The following GALNT13 variants were observed in gnomAD, a reference collection of about 807,000 sequenced individuals.
GALNT13 encodes UDP-GalNAc:polypeptide N-acetylgalactosaminyltransferase 13.
Under a neutral mutation model 64.2 loss-of-function variants are expected in GALNT13, and 28 were observed. The observed-to-expected ratio is 0.44, with a 90% CI of 0.32 to 0.60. The LOEUF (loss-of-function observed/expected upper bound fraction) is 0.60. GALNT13 is among the 20% of genes least tolerant of loss of function. The pLI is 0.05. For missense variants in GALNT13, 577 were observed against 669.8 expected (o/e 0.86, Z 1.53); for synonymous variants, 214 against 224.6 (o/e 0.95, Z 0.42).
the GALNT13 span, among the ~76,000 whole-genome samples, chr2:153,187,117 CTAGA>C: frequency 1.3e-5 from 2 of 152,098 alleles, no homozygotes; most frequent in African/African-American, 4.8e-5. Context: ...AACTGCTGAC[CTAGA>C]TAGCTTCACT....
chr2:154,152,299 C>A (rs374459883), intron 4 of GALNT13, among the ~76,000 whole-genome samples: 17 of 152,142 alleles, frequency 1.1e-4, no homozygotes, highest in Admixed American at 5.2e-4. Context: ...CCGAGAGATC[C>A]GCTGTTAGTC....
the GALNT13 span, among the ~76,000 whole-genome samples, chr2:153,798,810 C>T: frequency 3.3e-5 from 5 of 152,036 alleles, no homozygotes; most frequent in Middle Eastern, 3.2e-3. Context: ...GTTAATTAAT[C>T]GTTATTTAGG....
chr2:153,072,681 CATT>C, the GALNT13 span, among the ~76,000 whole-genome samples: 12 of 152,166 alleles, frequency 7.9e-5, no homozygotes, highest in African/African-American at 2.9e-4. Flanking sequence ...TTTAACCTCT[CATT>C]ATTCTCCTTT....
the GALNT13 span, among the ~76,000 whole-genome samples, chr2:153,188,890 T>C: frequency 2.6e-5 from 4 of 152,152 alleles, no homozygotes; most frequent in Non-Finnish European, 5.9e-5. Flanking sequence ...CTTTGTTACA[T>C]GCATAGAATG....
chr2:154,419,293 T>C (rs145705793), intron 11 of GALNT13, among the ~76,000 whole-genome samples: 439 of 152,258 alleles, frequency 2.9e-3, no homozygotes, highest in Non-Finnish European at 4.9e-3. Flanking sequence ...AGCATAGAAA[T>C]GTTAAATATG....
intron 4 of GALNT13, among the ~76,000 whole-genome samples, chr2:154,169,072 A>C (rs1685200418): frequency 6.6e-6 from 1 of 151,866 alleles, no homozygotes; most frequent in Admixed American, 6.6e-5. Flanking sequence ...TCCTTTTAAC[A>C]ACCTGTTCTC....
chr2:154,110,873 G>A (rs1396092435), intron 3 of GALNT13, among the ~76,000 whole-genome samples: 1 of 152,044 alleles, frequency 6.6e-6, no homozygotes, highest in African/African-American at 2.4e-5. Context: ...CAAGAGTAAG[G>A]TCATAATTAC....
At chr2:153,157,345 T>C in the GALNT13 span, among the ~76,000 whole-genome samples, 1 of 152,214 alleles carries the variant, frequency 6.6e-6, no homozygotes, top group South Asian at 2.1e-4. Flanking sequence ...TTGGCAGCTA[T>C]TGCTGCAATA....
the GALNT13 span, among the ~76,000 whole-genome samples, chr2:153,697,253 A>G: frequency 1.3e-3 from 201 of 152,270 alleles, no homozygotes; most frequent in Middle Eastern, 6.8e-3. Context: ...TCTATTTACA[A>G]TGCCTCCTGT....
the GALNT13 span, among the ~76,000 whole-genome samples, chr2:153,182,957 T>C: frequency 6.6e-6 from 1 of 152,194 alleles, no homozygotes; most frequent in Non-Finnish European, 1.5e-5. Context: ...AGGATACATA[T>C]ATATTTATGA....
chr2:154,052,749 T>TG (rs1229904426), intron 3 of GALNT13, among the ~76,000 whole-genome samples: 1 of 150,556 alleles, frequency 6.6e-6, no homozygotes, highest in Non-Finnish European at 1.5e-5. Flanking sequence ...TTTTTTTTTT[T>TG]TTTTTGAGAC....
intron 3 of GALNT13, among the ~76,000 whole-genome samples, chr2:154,113,237 GCT>G (rs1177186674): frequency 6.6e-6 from 1 of 152,172 alleles, no homozygotes; most frequent in Non-Finnish European, 1.5e-5. Flanking sequence ...GCCTGCAAAG[GCT>G]CCAGTAAGCC....
chr2:154,153,990 A>T (rs1216089623), intron 4 of GALNT13, among the ~76,000 whole-genome samples: 1 of 152,226 alleles, frequency 6.6e-6, no homozygotes, highest in Non-Finnish European at 1.5e-5. Context: ...CCGGTACCTC[A>T]GATGGAAATG....
At chr2:154,072,176 G>C (rs1193969794) in intron 3 of GALNT13, among the ~76,000 whole-genome samples, 1 of 152,066 alleles carries the variant, frequency 6.6e-6, no homozygotes, top group Non-Finnish European at 1.5e-5. Flanking sequence ...CAAGCGTAGA[G>C]AATAGCATTA....
the GALNT13 span, among the ~76,000 whole-genome samples, chr2:153,437,427 G>A: frequency 1.3e-5 from 2 of 152,122 alleles, no homozygotes; most frequent in African/African-American, 2.4e-5. Context: ...ACAGTGGGGT[G>A]TTAAAGTCTC....
chr2:154,393,171 A>T (rs772855600), intron 9 of GALNT13, among the ~76,000 whole-genome samples: 1 of 152,184 alleles, frequency 6.6e-6, no homozygotes, highest in African/African-American at 2.4e-5. Flanking sequence ...TGAGTTGCAG[A>T]TAAGAGTTTG....
the GALNT13 span, among the ~76,000 whole-genome samples, chr2:153,429,954 C>T: frequency 1.3e-5 from 2 of 152,004 alleles, no homozygotes; most frequent in Non-Finnish European, 2.9e-5. Flanking sequence ...GAGAGTGAGT[C>T]ACTAATAGAC....
At chr2:153,799,990 C>A in the GALNT13 span, among the ~76,000 whole-genome samples, 1 of 151,102 alleles carries the variant, frequency 6.6e-6, no homozygotes, top group Non-Finnish European at 1.5e-5. Flanking sequence ...GCATGGTCAT[C>A]AGCTATTCTA....
rs576065052 is a variant in GALNT13, at chr2:154,067,465, C to G, written c.143-72872C>G. 2.6e-5 allele frequency among the ~76,000 whole-genome samples: 4 copies of G among 151,928 alleles called. No individual in the cohort carries two copies. The East Asian group carries it at 5.8e-4, about 22-fold the overall frequency. Reference sequence around the variant, plus strand: ...AAATGACATTCCATGCAAAGTAAAACTAAAAAAGAGCAGGAGTAGCTATAC... The same window carrying G: ...AAATGACATTCCATGCAAAGTAAAAGTAAAAAAGAGCAGGAGTAGCTATAC... On this transcript the variant is annotated intron_variant, in intron 3 of 12. Transcript: ENST00000392825.
Sources: gnomAD v4.1 joint callset for allele counts (sites outside exome capture counted in the v4.1 genomes callset) on GRCh38, gnomAD v4.1.1 for gene constraint, MANE v1.5 for transcripts, NCBI Gene and HGNC (gene_info 2026-07-23, HGNC 2026-07-21) for gene names.